Variants in RTL1 observed in about 807,000 individuals in gnomAD.
RTL1 encodes the protein retrotransposon Gag like 1.
For missense variants in RTL1, 1,681 were observed against 1,767.5 expected (o/e 0.95, Z 0.88); for synonymous variants, 727 against 748.4 (o/e 0.97, Z 0.47).
chr14:100,896,714 C>T (rs1028038213), intron 2 of RTL1, among the ~76,000 whole-genome samples: 2 of 152,068 alleles, frequency 1.3e-5, no homozygotes, highest in Admixed American at 1.3e-4. Context: ...ATGCCAGTGC[C>T]GTTTAGCCAC....
At chr14:100,891,944 T>TGA (rs1194645401) in intron 3 of RTL1, among the ~76,000 whole-genome samples, 8 of 152,196 alleles carry the variant, frequency 5.3e-5, no homozygotes, top group Non-Finnish European at 5.9e-5. Flanking sequence ...GAAACAGTAA[T>TGA]GAGAGGAGGT....
At chr14:100,892,955 C>T (rs757483972) in intron 3 of RTL1, among the ~76,000 whole-genome samples, 1 of 152,030 alleles carries the variant, frequency 6.6e-6, no homozygotes, top group African/African-American at 2.4e-5. Context: ...GCACAAGGCC[C>T]CCGAGAGACA....
At chr14:100,891,880 C>G (rs1281879771) in intron 3 of RTL1, among the ~76,000 whole-genome samples, 3 of 152,102 alleles carry the variant, frequency 2.0e-5, no homozygotes, top group Admixed American at 2.0e-4. Flanking sequence ...GTGGTCTTCT[C>G]ACTGTGCTCC....
rs1250853089 is a variant in RTL1 at position 100,881,306 on chromosome 14, C to T, written c.3483G>A (p.Gln1161=). 2 of 1,550,578 alleles carry T rather than the reference C, an allele frequency of 1.3e-6. No individual in the cohort carries two copies. The highest frequency in any genetic ancestry group is 2.0e-5 in the Admixed American group (1 of 51,014). Residue 1161 remains glutamine, a synonymous_variant, in exon 4 of 4, where the codon CAG becomes CAA. Transcript: ENST00000649591. This position sits in a 1 kb window ranked among gnomAD's most constrained non-coding sequence, Gnocchi z 6.6. ...GGCCCAGGAACAGCTCAGCCAGCTC[C>T]TGGGCTGGGATGGTGTTTGCACCTA... ...ALVGANTIPA[Q]ELAELFLGPG...
rs67432304 is a variant in RTL1 at position 100,897,751 on chromosome 14, CGGG to C, written c.-148-4249_-148-4247del. 2.0e-4 allele frequency: 10 copies of C among 50,468 alleles called. 1 individual carries two copies. The highest frequency in any genetic ancestry group is 3.0e-4 in the Non-Finnish European group (8 of 26,872). The allele number at this position is 50,468 out of a possible 1,614,324, so 3.1% of individuals were successfully genotyped here. On this transcript the variant is annotated intron_variant, in intron 2 of 3. Coordinates refer to ENST00000649591, the MANE Select transcript of RTL1 (RefSeq NM_001134888.3). ...GCCTCAGGTCCTTTACCCTGGTTGG[CGGG>C]GGGGGGGGTGGGGGGGTGGGGGGCG...
In RTL1 at chr14:100,883,118, G is replaced by A; in HGVS notation, c.1671C>T (p.His557=). Reference sequence around the variant, plus strand: ...ACACGTCGGCCAGGTCTGAGTATGGGTGTGGCAGTCCGGGTAGCAGGCTCA... The same window carrying A: ...ACACGTCGGCCAGGTCTGAGTATGGATGTGGCAGTCCGGGTAGCAGGCTCA... ...HGMSLLPGLP[H]PYSDLADVFN... is the part of the protein sequence containing the mutation. The change falls in exon 4 of 4, where the codon CAC becomes CAT. Residue 557 remains histidine, a synonymous_variant. Transcript: ENST00000649591. The surrounding 1 kb of genome is among the most constrained non-coding windows in gnomAD (Gnocchi z 5.9). The A allele has an allele frequency of 6.2e-7, 1 of 1,612,696 alleles. No individual in the cohort carries two copies. Among genetic ancestry groups the A allele is most frequent in the Non-Finnish European group, 8.5e-7 (1 of 1,179,392 alleles).
At chr14:100,897,751 C>CGGGGGGGG (rs67432304) in intron 2 of RTL1, 6 of 50,458 alleles carry the variant, frequency 1.2e-4, no homozygotes, top group East Asian at 4.0e-4. Flanking sequence ...CCCTGGTTGG[C>CGGGGGGGG]GGGGGGGGGG....
intron 2 of RTL1, among the ~76,000 whole-genome samples, chr14:100,900,642 C>T (rs2038929161): frequency 6.6e-6 from 1 of 152,150 alleles, no homozygotes; most frequent in Non-Finnish European, 1.5e-5. Context: ...AAAGGGCTTG[C>T]TGCCCTGTGG....
chr14:100,898,562 C>T (rs1438042462), intron 2 of RTL1, among the ~76,000 whole-genome samples: 2 of 152,258 alleles, frequency 1.3e-5, no homozygotes, highest in Non-Finnish European at 2.9e-5. Context: ...AAAATAAGGC[C>T]TTATCCTGGC....
In RTL1 at chr14:100,880,766, C is replaced by T; in HGVS notation, c.4023G>A (p.Glu1341=). ...CAGGCAGCTCTTCTAGCCTTGCCTG[C>T]TCCCTGGGCTGGCTCTCCCAGGCGG... ...PIPAWESQPR[E]QARLEELPDE... Residue 1341 remains glutamate (E), a synonymous_variant, in exon 4 of 4, where the codon GAG becomes GAA. Coordinates refer to ENST00000649591, the MANE Select transcript of RTL1 (RefSeq NM_001134888.3). 3 of 1,550,860 alleles carry T rather than the reference C, an allele frequency of 1.9e-6. No individual in the cohort carries two copies. The highest frequency in any genetic ancestry group is 2.6e-6 in the Non-Finnish European group (3 of 1,146,972).
chr14:100,895,603 A>T (rs534752309), intron 2 of RTL1, among the ~76,000 whole-genome samples: 1 of 152,198 alleles, frequency 6.6e-6, no homozygotes, highest in Admixed American at 6.5e-5. Context: ...GAGGGGAAGG[A>T]CGACGTGAGG....
At chr14:100,884,931 T>TTTTTTAATGATAC in intron 3 of RTL1, 57 bp from the exon 4 acceptor site, 1 of 725,796 alleles carries the variant, frequency 1.4e-6, no homozygotes. Flanking sequence ...TCTTGTGAAG[T>TTTTTTAATGATAC]GGCAGTATCA....
intron 3 of RTL1, among the ~76,000 whole-genome samples, chr14:100,887,522 G>A (rs1234947032): frequency 6.6e-6 from 1 of 152,212 alleles, no homozygotes; most frequent in Admixed American, 6.5e-5. Flanking sequence ...GGGAGGCCAA[G>A]GCAGGTGGAA....
At chr14:100,900,119 C>T (rs879611419) in intron 2 of RTL1, among the ~76,000 whole-genome samples, 2 of 152,234 alleles carry the variant, frequency 1.3e-5, no homozygotes, top group East Asian at 3.8e-4. Context: ...TATAAAAAGT[C>T]AGACTTCTCC....
intron 3 of RTL1, among the ~76,000 whole-genome samples, chr14:100,891,400 G>GGA (rs2038775861): frequency 6.6e-6 from 1 of 152,296 alleles, no homozygotes; most frequent in South Asian, 2.1e-4. Flanking sequence ...GGAGGAACAG[G>GGA]GAGTTACAGT....
At position 100,883,787 on chromosome 14, in the gene RTL1, G is replaced by T; in HGVS notation, c.1002C>A (p.Ile334=). 1 of 1,551,696 alleles carries T rather than the reference G, an allele frequency of 6.4e-7. No homozygotes were observed. The highest frequency in any genetic ancestry group is 1.2e-5 in the South Asian group (1 of 84,062). Residue 334 remains isoleucine, a synonymous_variant, in exon 4 of 4, where the codon ATC becomes ATA. Transcript: ENST00000649591. This position sits in a 1 kb window ranked among gnomAD's most constrained non-coding sequence, Gnocchi z 5.9. ...GAGGGACCCGGAATAGATAGTGCCT[G>T]ATCTCCTCGTTGAGCCCCTGGCACA... is the stretch of plus-strand genomic sequence containing the variant. ...AHLCQGLNEE[I]RHYLFRVPQP...
rs764724900 is a variant in RTL1, at chr14:100,881,717, C to A, written c.3072G>T (p.Arg1024Ser). 16 of 1,594,714 alleles carry A rather than the reference C, an allele frequency of 1.0e-5. No homozygotes were observed. The highest frequency in any genetic ancestry group is 4.3e-6 in the Non-Finnish European group (5 of 1,170,152). The stretch of plus-strand genomic sequence containing the variant: ...CTTCCCCGGATTCCGTCGATGGATC[C>A]CTGGGGAATCCCCTTGAGGCCAGCA... ...TLLLASRGFP[R>S]DPSTESGEEE... The change falls in exon 4 of 4, where the codon AGG becomes AGT. Residue 1024 changes from arginine (R) to serine (S), a missense_variant. Transcript: ENST00000649591. The surrounding 1 kb of genome is among the most constrained non-coding windows in gnomAD (Gnocchi z 6.6).
At chr14:100,892,313 A>G (rs1054317783) in intron 3 of RTL1, among the ~76,000 whole-genome samples, 3 of 152,216 alleles carry the variant, frequency 2.0e-5, no homozygotes, top group Admixed American at 6.5e-5. Flanking sequence ...TGGTGGAACT[A>G]GAATGAGGGC....
Position 100,880,506 on chromosome 14 carries a change from C to G in RTL1, c.*206G>C. On this transcript the variant is annotated 3_prime_UTR_variant, in exon 4 of 4. Transcript: ENST00000649591. ...GTAGCCCAGGGCTGGCGCTGGGTCT[C>G]TGAGGACTGGGTAGTCCGTTAGCAC... is the stretch of plus-strand genomic sequence containing the variant. The G allele has an allele frequency of 2.8e-6, 3 of 1,065,636 alleles. No individual in the cohort carries two copies. The highest frequency in any genetic ancestry group is 2.6e-6 in the Non-Finnish European group (2 of 766,208). 66.0% of individuals were successfully genotyped at this position (1,065,636 alleles called of 1,614,324 possible).
Sources: gnomAD v4.1 joint callset for allele counts (sites outside exome capture counted in the v4.1 genomes callset) on GRCh38, gnomAD v4.1.1 for gene constraint, Gnocchi (gnomAD v3.1) non-coding constraint, MANE v1.5 for transcripts, NCBI Gene and HGNC (gene_info 2026-07-23, HGNC 2026-07-21) for gene names.